KIF16B: variants seen among roughly 807,000 people sequenced by gnomAD.
KIF16B encodes kinesin family member 16B, also known as kinesin-like protein KIF16B.
A neutral mutation model predicts 156.3 loss-of-function variants in KIF16B; 98 were observed. That is an observed-to-expected ratio of 0.63 (90% CI 0.53 to 0.74). The LOEUF is 0.74. Ranked by LOEUF, KIF16B falls within the 30% of genes least tolerant of loss-of-function variation. The pLI is 0.00. For missense variants in KIF16B, 1,421 were observed against 1,606.5 expected (o/e 0.88, Z 1.97); for synonymous variants, 564 against 583.7 (o/e 0.97, Z 0.49).
chr20:16,440,370 A>AT (rs1266352962), intron 12 of KIF16B, among the ~76,000 whole-genome samples: 3 of 152,164 alleles, frequency 2.0e-5, no homozygotes, highest in African/African-American at 7.2e-5. Context: ...AACTATCATC[A>AT]TAAATAATTT....
intron 25 of KIF16B, 27 bp from the exon 26 acceptor site, chr20:16,273,438 A>T: frequency 6.2e-7 from 1 of 1,611,704 alleles, no homozygotes; most frequent in Non-Finnish European, 8.5e-7. Context: ...AGTTAAGAAC[A>T]TGGTCAATTG....
intron 24 of KIF16B, among the ~76,000 whole-genome samples, chr20:16,324,342 G>A (rs2063812508): frequency 6.6e-6 from 1 of 151,978 alleles, no homozygotes; most frequent in Admixed American, 6.6e-5. Context: ...CAGGAATTAG[G>A]AGACATGAAC....
At chr20:16,494,773 GTTTTAC>G (rs1219328186) in intron 11 of KIF16B, among the ~76,000 whole-genome samples, 1 of 151,642 alleles carries the variant, frequency 6.6e-6, no homozygotes, top group Non-Finnish European at 1.5e-5. Flanking sequence ...GGATGCTGTA[GTTTTAC>G]TTTAGGAGAT....
intron 22 of KIF16B, among the ~76,000 whole-genome samples, chr20:16,356,934 T>C (rs796164761): frequency 9.2e-5 from 14 of 152,338 alleles, no homozygotes; most frequent in African/African-American, 3.4e-4. Flanking sequence ...TATAAGCCAG[T>C]GTAGTGTGGA....
At chr20:16,561,953 C>T (rs965342457) in intron 1 of KIF16B, among the ~76,000 whole-genome samples, 2 of 152,064 alleles carry the variant, frequency 1.3e-5, no homozygotes, top group African/African-American at 4.8e-5. Flanking sequence ...TGTGGGATCC[C>T]GGATTGGATG....
chr20:16,345,852 T>C (rs911851518), intron 23 of KIF16B, among the ~76,000 whole-genome samples: 1 of 152,138 alleles, frequency 6.6e-6, no homozygotes, highest in African/African-American at 2.4e-5. Flanking sequence ...GAGAACACAA[T>C]AGTCTAATGG....
chr20:16,524,727 G>T lies in KIF16B; in HGVS notation c.231+1365C>A, dbSNP rs991069205. ...TTCTACTATAAAGACACATGCACAC[G>T]TATGTTTATTGCAGCACTATTCACA... On this transcript the variant is annotated intron_variant, in intron 3 of 25. Coordinates refer to ENST00000354981, the MANE Select transcript of KIF16B (RefSeq NM_024704.5). 5.9e-5 allele frequency among the ~76,000 whole-genome samples: 9 copies of T among 152,224 alleles called. No individual in the cohort carries two copies. The South Asian group carries it at 1.7e-3, about 28-fold the overall frequency.
intron 21 of KIF16B, 29 bp downstream of exon 21, chr20:16,371,636 C>T: frequency 8.8e-7 from 1 of 1,139,176 alleles, no homozygotes; most frequent in South Asian, 1.3e-5. Flanking sequence ...GAACTTGTTA[C>T]TTCGTGTTAC....
At chr20:16,327,882 T>A (rs1402516211) in intron 24 of KIF16B, among the ~76,000 whole-genome samples, 1 of 152,192 alleles carries the variant, frequency 6.6e-6, no homozygotes, top group Non-Finnish European at 1.5e-5. Flanking sequence ...GCTTACTGGG[T>A]GCTCTCTGTG....
At chr20:16,427,001 T>A in intron 15 of KIF16B, 103 bp downstream of exon 15, 1 of 1,035,314 alleles carries the variant, frequency 9.7e-7, no homozygotes, top group Non-Finnish European at 1.4e-6. Flanking sequence ...TTTTTATACC[T>A]AATCAATAAT....
intron 7 of KIF16B, among the ~76,000 whole-genome samples, 157 bp downstream of exon 7, chr20:16,507,801 G>A (rs1192988314): frequency 3.9e-5 from 6 of 152,096 alleles, no homozygotes; most frequent in South Asian, 2.1e-4. Flanking sequence ...GAAACTCAGC[G>A]CACAGCACAT....
intron 1 of KIF16B, among the ~76,000 whole-genome samples, chr20:16,566,699 G>T (rs770110364): frequency 9.2e-5 from 14 of 152,222 alleles, no homozygotes; most frequent in Admixed American, 1.3e-4. Flanking sequence ...AAGTAAAAGA[G>T]CTGGAATTCA....
intron 1 of KIF16B, among the ~76,000 whole-genome samples, chr20:16,542,873 T>C (rs992700960): frequency 6.6e-6 from 1 of 152,176 alleles, no homozygotes; most frequent in Non-Finnish European, 1.5e-5. Context: ...ATTTATATTT[T>C]TAAAAGGCCC....
intron 25 of KIF16B, 136 bp downstream of exon 25, chr20:16,312,199 C>T (rs2063629337): frequency 1.7e-6 from 1 of 602,966 alleles, no homozygotes; most frequent in African/African-American, 1.9e-5. Flanking sequence ...TAATCTACTG[C>T]TGCCATCTCC....
intron 1 of KIF16B, among the ~76,000 whole-genome samples, chr20:16,537,514 G>C (rs2070017665): frequency 6.6e-6 from 1 of 151,828 alleles, no homozygotes; most frequent in South Asian, 2.1e-4. Context: ...TAAAATGGCT[G>C]TTAAATGTGA....
At chr20:16,287,804 G>A (rs2122432467) in intron 25 of KIF16B, among the ~76,000 whole-genome samples, 1 of 152,288 alleles carries the variant, frequency 6.6e-6, no homozygotes, top group East Asian at 1.9e-4. Context: ...CTTTTCTCCA[G>A]AGCACAAGTC....
intron 12 of KIF16B, among the ~76,000 whole-genome samples, chr20:16,455,619 T>C (rs1037970556): frequency 8.5e-5 from 13 of 152,180 alleles, no homozygotes; most frequent in Non-Finnish European, 1.5e-5. Flanking sequence ...GTATACTCTT[T>C]ATTACTTCCA....
At chr20:16,332,766 A>G (rs925873380) in intron 24 of KIF16B, among the ~76,000 whole-genome samples, 17 of 152,134 alleles carry the variant, frequency 1.1e-4, no homozygotes, top group Admixed American at 1.0e-3. Flanking sequence ...AAATAAAAAA[A>G]TTTTTCTTAA....
intron 12 of KIF16B, among the ~76,000 whole-genome samples, chr20:16,435,654 C>A (rs1204369383): frequency 6.6e-6 from 1 of 152,140 alleles, no homozygotes; most frequent in Non-Finnish European, 1.5e-5. Flanking sequence ...TCAAGAACAC[C>A]AATTGTCCTT....
Sources: allele counts gnomAD v4.1 joint callset (sites outside exome capture counted in the v4.1 genomes callset), GRCh38; gene constraint gnomAD v4.1.1; transcripts MANE v1.5; gene names NCBI Gene and HGNC (gene_info 2026-07-23, HGNC 2026-07-21).